Variants in MYOCD observed in about 807,000 individuals in gnomAD.
MYOCD encodes myocardin.
A neutral mutation model predicts 96.1 loss-of-function variants in MYOCD; 32 were observed. That is an observed-to-expected ratio of 0.33 (90% CI 0.25 to 0.45). The LOEUF (loss-of-function observed/expected upper bound fraction) is 0.45, where lower values mean the gene tolerates loss of function less well. Among genes scored for constraint, MYOCD ranks in the 20% least tolerant of loss-of-function variants. The probability of loss-of-function intolerance (pLI) is 1.00; values close to 1 mark genes in which losing one functional copy is unlikely to be tolerated. For missense variants in MYOCD, 1,133 were observed against 1,200.6 expected (o/e 0.94, Z 0.83); for synonymous variants, 469 against 469.0 (o/e 1.00, Z 0.00).
At chr17:12,691,864 C>A (rs1273970535) in intron 1 of MYOCD, among the ~76,000 whole-genome samples, 1 of 152,060 alleles carries the variant, frequency 6.6e-6, no homozygotes, top group Non-Finnish European at 1.5e-5. Context: ...GGAGCTATGA[C>A]CAGGGGATAA....
chr17:12,692,410 G>A (rs902246459), intron 1 of MYOCD, among the ~76,000 whole-genome samples: 7 of 152,118 alleles, frequency 4.6e-5, no homozygotes, highest in African/African-American at 9.7e-5. Context: ...CATTAATGCC[G>A]TCCCAATAAT....
At position 12,756,430 on chromosome 17, in the gene MYOCD, A is replaced by T; in HGVS notation, c.2075A>T (p.Asp692Val). The T allele has an allele frequency of 6.4e-7, 1 of 1,552,168 alleles. No homozygotes were observed. The highest frequency in any genetic ancestry group is 8.7e-7 in the Non-Finnish European group (1 of 1,147,114). The part of the protein sequence containing the change: ...VCTAQNSGAH[D>V]GHPPSFSPHS... Reference sequence around the variant, plus strand: ...CCTTTGCAGAACTCAGGAGCACACGATGGCCATCCTCCAAGCTTCTCTCCC... The same window carrying T: ...CCTTTGCAGAACTCAGGAGCACACGTTGGCCATCCTCCAAGCTTCTCTCCC... The change falls in exon 11 of 14, where the codon GAT (aspartate) becomes GTT (valine). Residue 692 changes from aspartate (D) to valine (V), a missense_variant. By Grantham distance (152) the Asp-to-Val change is radical. Transcript: ENST00000425538.
At chr17:12,708,326 CAT>C (rs1783990542) in intron 2 of MYOCD, among the ~76,000 whole-genome samples, 1 of 152,116 alleles carries the variant, frequency 6.6e-6, no homozygotes, top group African/African-American at 2.4e-5. Flanking sequence ...TCTTTCTAAA[CAT>C]GTCATAAATT....
In MYOCD at chr17:12,758,382, A is replaced by G. The variant is rs1204191661; in HGVS notation, c.2331+169A>G. On this transcript the variant is annotated intron_variant, in intron 12 of 13. Transcript: ENST00000425538. ...GACAATAATTGGAAAACAGTGTTGC[A>G]TGTGTAGCTGTGTGAGGCAGGGAGA... 5 of 1,043,646 alleles carry G rather than the reference A, an allele frequency of 4.8e-6. No individual in the cohort carries two copies. In the African/African-American group the frequency reaches 6.4e-5, roughly 13 times the overall value. 64.6% of individuals were successfully genotyped at this position (1,043,646 alleles called of 1,614,324 possible). A position where few individuals can be genotyped will look rare whatever the true frequency, so the allele number is the denominator to read the frequency against.
chr17:12,712,732 GA>G (rs1247969958), intron 2 of MYOCD, among the ~76,000 whole-genome samples: 1 of 152,224 alleles, frequency 6.6e-6, no homozygotes, highest in Non-Finnish European at 1.5e-5. Flanking sequence ...CAGGGAGAAT[GA>G]GTTAGATGTG....
rs28730823 is a variant in MYOCD, at chr17:12,752,735, G to T, written c.1447G>T (p.Gly483Cys). The change falls in exon 10 of 14, where the codon GGC (glycine) becomes TGC (cysteine). Residue 483 changes from glycine to cysteine, a missense_variant. Gly to Cys is a radical substitution (Grantham distance 159). Transcript: ENST00000425538. Reference protein sequence around the residue: ...DTFNDASPSFGLHPSPVHVCT... With the variant: ...DTFNDASPSFCLHPSPVHVCT... Reference sequence around the variant, plus strand: ...CTTCAATGATGCCTCCCCCTCCTTCGGCCTGCACCCGTCCCCAGTCCACGT... The same window carrying T: ...CTTCAATGATGCCTCCCCCTCCTTCTGCCTGCACCCGTCCCCAGTCCACGT... 6.2e-7 allele frequency: 1 copy of T among 1,613,898 alleles called. No homozygotes were observed. Among genetic ancestry groups the T allele is most frequent in the African/African-American group, 1.3e-5 (1 of 74,874 alleles).
intron 12 of MYOCD, 22 bp downstream of exon 12, chr17:12,758,235 T>C (rs938618372): frequency 2.8e-5 from 45 of 1,614,038 alleles, no homozygotes; most frequent in Non-Finnish European, 3.8e-5. Context: ...ATTTGTTCTT[T>C]ATGGAAGAAT....
chr17:12,694,388 G>C (rs886245845), intron 1 of MYOCD, among the ~76,000 whole-genome samples: 1 of 152,180 alleles, frequency 6.6e-6, no homozygotes, highest in Non-Finnish European at 1.5e-5. Flanking sequence ...TCTGCAGTGG[G>C]AAGCAGCCGC....
intron 9 of MYOCD, among the ~76,000 whole-genome samples, chr17:12,748,780 T>A (rs1278277951): frequency 6.6e-6 from 1 of 152,176 alleles, no homozygotes; most frequent in Non-Finnish European, 1.5e-5. Context: ...AAAACAATAA[T>A]GAGTTGCCAT....
At chr17:12,756,361 A>G (rs2033010584) in intron 10 of MYOCD, 53 bp from the exon 11 acceptor site, 9 of 1,547,644 alleles carry the variant, frequency 5.8e-6, no homozygotes, top group African/African-American at 1.4e-5. Context: ...AGCAAAGGTC[A>G]CACTCAAGTA....
At chr17:12,678,985 G>A (rs1411167289) in intron 1 of MYOCD, among the ~76,000 whole-genome samples, 2 of 152,032 alleles carry the variant, frequency 1.3e-5, no homozygotes, top group Non-Finnish European at 2.9e-5. Flanking sequence ...GTACAGATGA[G>A]GTTACTGAGT....
rs754649881 is a variant in MYOCD, at chr17:12,744,397, A to G, written c.932A>G (p.His311Arg). ...AGCCAGCAGCAGCAGCAGCAGCAAC[A>G]CCGATTCAGCTACCTAGGGATGCAC... ...ILSQQQQQQQHRFSYLGMHQA... is the reference protein window; with the variant it reads ...ILSQQQQQQQRRFSYLGMHQA... The change falls in exon 8 of 14, where the codon CAC becomes CGC. Residue 311 changes from histidine to arginine, a missense_variant. By Grantham distance (29) the His-to-Arg change is conservative. Coordinates refer to ENST00000425538, the MANE Select transcript of MYOCD (RefSeq NM_001146312.3). 2.0e-5 allele frequency: 32 copies of G among 1,613,662 alleles called. No individual in the cohort carries two copies. Among genetic ancestry groups the G allele is most frequent in the Non-Finnish European group, 2.6e-5 (31 of 1,179,826 alleles).
intron 1 of MYOCD, among the ~76,000 whole-genome samples, chr17:12,680,032 G>A (rs1289030718): frequency 6.6e-6 from 1 of 152,044 alleles, no homozygotes; most frequent in Non-Finnish European, 1.5e-5. Context: ...GTCAGAAAAG[G>A]CAATACATGC....
intron 2 of MYOCD, among the ~76,000 whole-genome samples, chr17:12,710,926 C>A (rs8076064): frequency 0.15 from 22,895 of 152,118 alleles, 1,839 homozygotes; most frequent in Middle Eastern, 0.2. Flanking sequence ...GAAAACTAGT[C>A]ATTACAGGCA....
intron 13 of MYOCD, chr17:12,761,018 C>T: frequency 3.7e-6 from 1 of 266,798 alleles, no homozygotes; most frequent in African/African-American, 2.2e-5. Context: ...ATGTTCTAAT[C>T]TCAATGCCCC....
Position 12,753,065 on chromosome 17 carries a change from A to C in MYOCD, c.1777A>C (p.Ser593Arg). Residue 593 changes from serine (S) to arginine (R), a missense_variant, in exon 10 of 14, where the codon AGC (serine) becomes CGC (arginine). By Grantham distance (110) the Ser-to-Arg change is moderately radical. Coordinates refer to ENST00000425538, the MANE Select transcript of MYOCD (RefSeq NM_001146312.3). ...AGTACCTGTGAAAAGACAAAGCAGC[A>C]GCTCAGAGTGTCACCCACCGGCTTG... ...SQVPVKRQSS[S>R]SECHPPACEA... 2 of 1,614,220 alleles carry C rather than the reference A, an allele frequency of 1.2e-6. No homozygotes were observed. Among genetic ancestry groups the C allele is most frequent in the Admixed American group, 1.7e-5 (1 of 60,026 alleles).
At chr17:12,739,997 G>A (rs2032459197) in intron 7 of MYOCD, among the ~76,000 whole-genome samples, 1 of 151,832 alleles carries the variant, frequency 6.6e-6, no homozygotes, top group Non-Finnish European at 1.5e-5. Flanking sequence ...ATACAGTGGC[G>A]CGATCTCAGC....
chr17:12,669,851 C>A (rs190148844), intron 1 of MYOCD, among the ~76,000 whole-genome samples: 1 of 152,256 alleles, frequency 6.6e-6, no homozygotes, highest in African/African-American at 2.4e-5. Flanking sequence ...ATCTCTTGAC[C>A]AATCCGAGTG....
chr17:12,675,879 A>T (rs1195935611), intron 1 of MYOCD, among the ~76,000 whole-genome samples: 23 of 152,172 alleles, frequency 1.5e-4, no homozygotes. Context: ...TCAATCAATC[A>T]ATCATATTTA....
Sources: gnomAD v4.1 joint callset for allele counts (sites outside exome capture counted in the v4.1 genomes callset) on GRCh38, gnomAD v4.1.1 for gene constraint, MANE v1.5 for transcripts, NCBI Gene and HGNC (gene_info 2026-07-23, HGNC 2026-07-21) for gene names.